The following DLG2 variants were observed in gnomAD, a reference collection of about 807,000 sequenced individuals.
DLG2 encodes disks large homolog 2.
Under a neutral mutation model 132.5 loss-of-function variants are expected in DLG2, and 45 were observed. The ratio of observed to expected loss-of-function variants is 0.34; its 90% confidence interval spans 0.27 to 0.44. DLG2 has a LOEUF of 0.44. DLG2 is among the 20% of genes least tolerant of loss of function. The pLI is 1.00. For missense variants in DLG2, 1,045 were observed against 1,196.9 expected, an observed-to-expected ratio of 0.87 and a Z score of 1.87; for synonymous variants, 424 against 419.6, an observed-to-expected ratio of 1.01 and a Z score of -0.13.
At chr11:85,482,879 C>A (rs546780919) in intron 3 of DLG2, among the ~76,000 whole-genome samples, 1 of 152,282 alleles carries the variant, frequency 6.6e-6, no homozygotes, top group South Asian at 2.1e-4. Context: ...CAAGACCACC[C>A]CTTCTGACCC....
intron 7 of DLG2, among the ~76,000 whole-genome samples, chr11:84,322,130 A>G (rs1232449773): frequency 6.6e-6 from 1 of 152,242 alleles, no homozygotes; most frequent in Non-Finnish European, 1.5e-5. Context: ...TAAATCAAAC[A>G]TGGAAGAAGA....
At chr11:85,144,343 T>C (rs1215742703) in intron 5 of DLG2, among the ~76,000 whole-genome samples, 1 of 110,250 alleles carries the variant, frequency 9.1e-6, no homozygotes, top group Admixed American at 9.2e-5. Flanking sequence ...CAGCATATAA[T>C]TGGGTCTTTT....
chr11:83,743,588 C>T (rs749893579), intron 18 of DLG2, among the ~76,000 whole-genome samples: 4 of 152,028 alleles, frequency 2.6e-5, no homozygotes, highest in Non-Finnish European at 4.4e-5. Flanking sequence ...TGCATGCCAA[C>T]ACACCCAGCT....
chr11:84,825,985 C>T (rs527960242), intron 6 of DLG2, among the ~76,000 whole-genome samples: 1 of 151,820 alleles, frequency 6.6e-6, no homozygotes, highest in Non-Finnish European at 1.5e-5. Context: ...ATAACATACA[C>T]CCTCAGTGTT....
At chr11:84,769,413 A>G (rs1440794810) in intron 6 of DLG2, among the ~76,000 whole-genome samples, 1 of 152,182 alleles carries the variant, frequency 6.6e-6, no homozygotes, top group Non-Finnish European at 1.5e-5. Context: ...TGGCTTTTCA[A>G]ATTAACCCAG....
intron 19 of DLG2, among the ~76,000 whole-genome samples, chr11:83,578,626 A>G (rs1015818664): frequency 2.6e-5 from 4 of 152,184 alleles, no homozygotes; most frequent in African/African-American, 9.6e-5. Context: ...GCATTAATAT[A>G]TAAAAAAAGC....
chr11:83,926,528 T>C (rs749582947), intron 15 of DLG2, among the ~76,000 whole-genome samples: 6 of 152,130 alleles, frequency 3.9e-5, no homozygotes, highest in Admixed American at 6.6e-5. Context: ...AGTTGTCCCA[T>C]TATAGTAGCA....
intron 6 of DLG2, among the ~76,000 whole-genome samples, chr11:84,851,516 T>C (rs549651944): frequency 6.6e-6 from 1 of 152,058 alleles, no homozygotes; most frequent in Non-Finnish European, 1.5e-5. Context: ...TTCTATTCCA[T>C]TTCTGCCCTG....
chr11:84,939,319 T>G (rs975568486), intron 6 of DLG2, among the ~76,000 whole-genome samples: 1 of 152,216 alleles, frequency 6.6e-6, no homozygotes, highest in South Asian at 2.1e-4. Flanking sequence ...AGATACCTTA[T>G]AGAGACATAC....
intron 3 of DLG2, among the ~76,000 whole-genome samples, chr11:85,546,457 A>G (rs1228591932): frequency 6.6e-6 from 1 of 152,166 alleles, no homozygotes; most frequent in African/African-American, 2.4e-5. Flanking sequence ...GCTGAGAAGA[A>G]TGTATATTCT....
rs769219035 is a variant in DLG2 at position 84,059,391 on chromosome 11, G to C, written c.843C>G (p.Ile281Met). The change falls in exon 11 of 28, where the codon ATC becomes ATG. Residue 281 changes from isoleucine to methionine, a missense_variant. Physicochemically the swap from Ile to Met is conservative, Grantham distance 10 (BLOSUM62 1). Transcript: ENST00000376104. The stretch of plus-strand genomic sequence containing the variant: ...GTCTTCTACGCACATACAGCCGAAC[G>C]ATAGACCCTGCTTCCTTCAGGGCTT... ...AVEALKEAGSIVRLYVRRRRP... is the reference protein window; with the variant it reads ...AVEALKEAGSMVRLYVRRRRP... The C allele has an allele frequency of 1.2e-6, 2 of 1,613,420 alleles. No individual in the cohort carries two copies.
intron 6 of DLG2, among the ~76,000 whole-genome samples, chr11:84,601,459 A>T (rs2099576399): frequency 6.6e-6 from 1 of 152,134 alleles, no homozygotes; most frequent in South Asian, 2.1e-4. Context: ...CATCTCCAGT[A>T]ATTTATTCTA....
intron 6 of DLG2, among the ~76,000 whole-genome samples, chr11:84,830,513 G>C (rs2078898408): frequency 6.6e-6 from 1 of 151,462 alleles, no homozygotes; most frequent in Non-Finnish European, 1.5e-5. Context: ...GCTGAGGAGT[G>C]AACTCTTGTC....
intron 15 of DLG2, among the ~76,000 whole-genome samples, chr11:83,915,746 CA>C (rs1409845594): frequency 6.6e-6 from 1 of 152,110 alleles, no homozygotes; most frequent in Non-Finnish European, 1.5e-5. Context: ...AATTTACCTA[CA>C]GTAAAATCAC....
intron 4 of DLG2, among the ~76,000 whole-genome samples, chr11:85,158,027 A>T (rs189256193): frequency 2.0e-5 from 3 of 152,016 alleles, no homozygotes; most frequent in Non-Finnish European, 4.4e-5. Context: ...TCTCCTCAGG[A>T]GCCACCCCCA....
At chr11:84,142,069 C>T (rs569295032) in intron 9 of DLG2, among the ~76,000 whole-genome samples, 3 of 151,900 alleles carry the variant, frequency 2.0e-5, no homozygotes, top group South Asian at 4.2e-4. Context: ...TTTGGGAGGC[C>T]GAGGCAGGTG....
chr11:84,880,159 A>G (rs1308752546), intron 6 of DLG2, among the ~76,000 whole-genome samples: 1 of 152,146 alleles, frequency 6.6e-6, no homozygotes, highest in African/African-American at 2.4e-5. Flanking sequence ...GAGATCAAAT[A>G]CTGGAGAAAG....
chr11:84,520,207 G>C (rs1428333293), intron 7 of DLG2, among the ~76,000 whole-genome samples: 1 of 151,982 alleles, frequency 6.6e-6, no homozygotes, highest in Non-Finnish European at 1.5e-5. Flanking sequence ...TTACTCTAAA[G>C]GTCTTGATGT....
intron 6 of DLG2, among the ~76,000 whole-genome samples, chr11:84,642,006 TTATATA>T (rs199734251): frequency 7.1e-6 from 1 of 141,482 alleles, no homozygotes; most frequent in African/African-American, 2.8e-5. Flanking sequence ...TGGATATGTT[TTATATA>T]TATATATACA....
Sources: allele counts gnomAD v4.1 joint callset (sites outside exome capture counted in the v4.1 genomes callset), GRCh38; gene constraint gnomAD v4.1.1; transcripts MANE v1.5; gene names NCBI Gene and HGNC (gene_info 2026-07-23, HGNC 2026-07-21).